MOXD1: variants seen among roughly 807,000 people sequenced by gnomAD.
The protein encoded by MOXD1 is DBH-like monooxygenase protein 1.
MOXD1 carries 62 observed loss-of-function variants against 66.6 expected under a neutral mutation model. The observed-to-expected ratio is 0.93, with a 90% CI of 0.76 to 1.15. The LOEUF is 1.15. Among genes scored for constraint, MOXD1 ranks in the 50% most tolerant of loss-of-function variants. The pLI is 0.00. For missense variants in MOXD1, 847 were observed against 754.6 expected (o/e 1.12, Z -1.44); for synonymous variants, 303 against 281.9 (o/e 1.07, Z -0.75).
At chr6:132,314,180 C>T (rs1294505210) in intron 10 of MOXD1, among the ~76,000 whole-genome samples, 1 of 152,214 alleles carries the variant, frequency 6.6e-6, no homozygotes, top group African/African-American at 2.4e-5. Flanking sequence ...ACACCATTCA[C>T]ACCATCACTG....
chr6:132,359,529 C>T (rs895066629), intron 4 of MOXD1, among the ~76,000 whole-genome samples: 12 of 150,230 alleles, frequency 8.0e-5, no homozygotes, highest in Admixed American at 1.3e-4. Context: ...CTCTGTCGCC[C>T]AGGCTGGAGT....
At chr6:132,336,905 T>C (rs1485799403) in intron 4 of MOXD1, among the ~76,000 whole-genome samples, 1 of 152,172 alleles carries the variant, frequency 6.6e-6, no homozygotes, top group East Asian at 1.9e-4. Context: ...CCAGCCTATC[T>C]TGGAACTTTT....
intron 4 of MOXD1, among the ~76,000 whole-genome samples, chr6:132,359,577 C>T (rs1314552702): frequency 2.7e-5 from 4 of 150,832 alleles, no homozygotes; most frequent in Non-Finnish European, 4.4e-5. Flanking sequence ...AGCTCCGCCT[C>T]CCGGGTTCAC....
At chr6:132,386,077 T>TG (rs1262306616) in intron 1 of MOXD1, among the ~76,000 whole-genome samples, 1 of 129,708 alleles carries the variant, frequency 7.7e-6, no homozygotes. Flanking sequence ...CACTCCAGCC[T>TG]GGGCGACAGG....
intron 1 of MOXD1, chr6:132,391,259 A>G (rs1048735860): frequency 2.1e-5 from 3 of 146,080 alleles, no homozygotes; most frequent in African/African-American, 7.3e-5. Context: ...ATTTTCTCAC[A>G]ATGTTTGGCT....
intron 1 of MOXD1, among the ~76,000 whole-genome samples, chr6:132,386,218 C>G (rs1323427173): frequency 1.4e-5 from 2 of 146,046 alleles, no homozygotes. Flanking sequence ...CTGGCTAACA[C>G]GGTGAAACCC....
At chr6:132,392,363 G>A (rs2114694925) in intron 1 of MOXD1, 3 of 1,526,214 alleles carry the variant, frequency 2.0e-6, no homozygotes, top group Middle Eastern at 1.7e-4. Context: ...CCCATAAGAA[G>A]GGTGAATCAA....
At position 132,328,523 on chromosome 6, in the gene MOXD1, G is replaced by A; in HGVS notation, c.735C>T (p.Asn245=). The A allele has an allele frequency of 2.5e-6, 4 of 1,614,142 alleles. No individual in the cohort carries two copies. Among genetic ancestry groups the A allele is most frequent in the Non-Finnish European group, 3.4e-6 (4 of 1,180,016 alleles). ...CGGACTCCAGAACGCTGTCGTTAAA[G>A]TTGTTGCTGCACTGATAGAGCAGGA... The part of the protein sequence containing the change: ...HHILLYQCSN[N]FNDSVLESGH... Residue 245 remains asparagine (N), a synonymous_variant, in exon 5 of 12, where the codon AAC becomes AAT. Coordinates refer to ENST00000367963, the MANE Select transcript of MOXD1 (RefSeq NM_015529.4).
Position 132,328,441 on chromosome 6 carries a change from TCA to T in MOXD1, c.815_816del (p.Val272AspfsTer37), listed in dbSNP as rs749254614. On this transcript the variant is annotated frameshift_variant, in exon 5 of 12. Transcript: ENST00000367963. LOFTEE classifies it high-confidence loss of function. ...MPDAFLTCET[V>X]IFAWAIGGEG... ...TCTCCACCAATAGCCCAGGCAAAAA[TCA>T]CAGTTTCACAGGTGAGGAATGCATC... is the stretch of plus-strand genomic sequence containing the variant. 3.1e-6 allele frequency: 5 copies of T among 1,614,080 alleles called. No homozygotes were observed. The highest frequency in any genetic ancestry group is 1.3e-5 in the African/African-American group (1 of 75,008).
At chr6:132,318,872 G>T (rs988139354) in intron 9 of MOXD1, among the ~76,000 whole-genome samples, 17 of 151,918 alleles carry the variant, frequency 1.1e-4, no homozygotes, top group African/African-American at 4.1e-4. Context: ...TTTTATTTAT[G>T]TCATATGGAT....
At chr6:132,373,129 A>G (rs901908655) in intron 2 of MOXD1, 132 bp from the exon 3 acceptor site, 3 of 843,788 alleles carry the variant, frequency 3.6e-6, no homozygotes, top group East Asian at 2.6e-5. Context: ...TGGAGTTATC[A>G]ACATGGTCTC....
chr6:132,321,581 C>T (rs1017563341), intron 8 of MOXD1, among the ~76,000 whole-genome samples: 3 of 152,082 alleles, frequency 2.0e-5, no homozygotes, highest in Admixed American at 2.0e-4. Context: ...TATTCATAGA[C>T]CTGAGGCCGT....
At position 132,303,060 on chromosome 6, in the gene MOXD1, A is replaced by T. The variant is rs57484838; in HGVS notation, c.1509-5105T>A. 7.4e-3 allele frequency among the ~76,000 whole-genome samples: 1,111 copies of T among 149,842 alleles called. 18 individuals carry two copies. Among genetic ancestry groups the T allele is most frequent in the African/African-American group, 0.027 (1,073 of 39,920 alleles). ...AATGTGTTCAAAATGGATCCACCTA[A>T]ATGTAAAAGCTAAAACTGTGAACTT... On this transcript the variant is annotated intron_variant, in intron 10 of 11. Coordinates refer to ENST00000367963, the MANE Select transcript of MOXD1 (RefSeq NM_015529.4).
At chr6:132,342,921 A>G (rs1366717614) in intron 4 of MOXD1, among the ~76,000 whole-genome samples, 1 of 152,214 alleles carries the variant, frequency 6.6e-6, no homozygotes, top group African/African-American at 2.4e-5. Flanking sequence ...AGATAGATGC[A>G]CATGTACTAA....
At chr6:132,302,001 G>T (rs1332166673) in intron 10 of MOXD1, among the ~76,000 whole-genome samples, 1 of 152,176 alleles carries the variant, frequency 6.6e-6, no homozygotes, top group Non-Finnish European at 1.5e-5. Flanking sequence ...ATGAAGACCA[G>T]AGTTAAGGGA....
chr6:132,328,160 T>C (rs1302015067), intron 5 of MOXD1, 45 bp from the exon 6 acceptor site: 1 of 1,528,698 alleles, frequency 6.5e-7, no homozygotes, highest in East Asian at 2.3e-5. Context: ...TGAAAGTCCC[T>C]GAGAGCTCTA....
chr6:132,313,483 G>T (rs1291851455), intron 10 of MOXD1, among the ~76,000 whole-genome samples: 1 of 151,992 alleles, frequency 6.6e-6, no homozygotes, highest in East Asian at 1.9e-4. Context: ...AAGAGGAGTG[G>T]GTCTCAGTTC....
At chr6:132,395,543 G>A (rs914667866) in intron 1 of MOXD1, among the ~76,000 whole-genome samples, 1 of 152,054 alleles carries the variant, frequency 6.6e-6, no homozygotes, top group Admixed American at 6.5e-5. Flanking sequence ...TAATAACCCG[G>A]AATGTAAACA....
intron 10 of MOXD1, among the ~76,000 whole-genome samples, chr6:132,305,911 T>A (rs980866727): frequency 1.3e-5 from 2 of 152,032 alleles, no homozygotes; most frequent in Non-Finnish European, 2.9e-5. Flanking sequence ...TGAGAAAGAA[T>A]CAATAAAAAT....
Sources: allele counts gnomAD v4.1 joint callset (sites outside exome capture counted in the v4.1 genomes callset), GRCh38; gene constraint gnomAD v4.1.1; transcripts MANE v1.5; gene names NCBI Gene and HGNC (gene_info 2026-07-23, HGNC 2026-07-21).